The following IQSEC1 variants were observed in gnomAD, a reference collection of about 807,000 sequenced individuals.
IQSEC1 encodes IQ motif and Sec7 domain ArfGEF 1.
Under a neutral mutation model 91.0 loss-of-function variants are expected in IQSEC1, and 31 were observed. The ratio of observed to expected loss-of-function variants is 0.34; its 90% CI spans 0.26 to 0.46. IQSEC1 has a LOEUF of 0.46. Among genes scored for constraint, IQSEC1 ranks in the 20% least tolerant of loss-of-function variants. The pLI, the probability that IQSEC1 is intolerant of heterozygous loss-of-function variation, is 1.00. For synonymous variants in IQSEC1, 699 were observed against 662.6 expected (o/e 1.05, Z -0.84); for missense variants, 1,388 against 1,575.6 (o/e 0.88, Z 2.02).
chr3:13,066,241 C>G (rs360872), intron 1 of IQSEC1, among the ~76,000 whole-genome samples: 100,329 of 152,188 alleles, frequency 0.66, 33,309 homozygotes, highest in East Asian at 0.86. Context: ...CTGCACAACG[C>G]AACAGTGTTC....
chr3:12,993,570 G>A (rs1281244395), intron 1 of IQSEC1, among the ~76,000 whole-genome samples: 1 of 152,206 alleles, frequency 6.6e-6, no homozygotes, highest in African/African-American at 2.4e-5. Flanking sequence ...CCCCCGCTTC[G>A]GGGAGGCAAC....
At chr3:12,938,552 G>A (rs983802032) in intron 2 of IQSEC1, among the ~76,000 whole-genome samples, 4 of 152,280 alleles carry the variant, frequency 2.6e-5, no homozygotes, top group Non-Finnish European at 4.4e-5. Flanking sequence ...GTTACTGAAC[G>A]CCATCCAAGA....
At chr3:13,043,796 C>A (rs1465493784) in intron 1 of IQSEC1, among the ~76,000 whole-genome samples, 1 of 152,224 alleles carries the variant, frequency 6.6e-6, no homozygotes, top group East Asian at 1.9e-4. Context: ...ACCACACTCA[C>A]CCCCTCTGGC....
At chr3:12,998,255 T>C (rs1702295258) in intron 1 of IQSEC1, among the ~76,000 whole-genome samples, 1 of 152,146 alleles carries the variant, frequency 6.6e-6, no homozygotes, top group African/African-American at 2.4e-5. Flanking sequence ...GAGGCTGAAG[T>C]GGGAGGATCA....
At chr3:13,011,033 C>T (rs959628261) in intron 1 of IQSEC1, among the ~76,000 whole-genome samples, 1 of 152,236 alleles carries the variant, frequency 6.6e-6, no homozygotes, top group Non-Finnish European at 1.5e-5. Context: ...CCTCCAGCTT[C>T]CCATCACTCT....
chr3:13,173,716 G>A (rs1693664136), intron 1 of IQSEC1, among the ~76,000 whole-genome samples: 1 of 152,248 alleles, frequency 6.6e-6, no homozygotes. Context: ...GCCTTGGACA[G>A]GCCATCTCTC....
At chr3:12,929,404 C>A (rs186691931) in intron 3 of IQSEC1, among the ~76,000 whole-genome samples, 224 of 152,308 alleles carry the variant, frequency 1.5e-3, no homozygotes, top group African/African-American at 4.9e-3. Context: ...CCCACCCTGA[C>A]GAGATGGCAT....
chr3:13,266,859 G>T (rs1484812250), intron 1 of IQSEC1, among the ~76,000 whole-genome samples: 1 of 152,154 alleles, frequency 6.6e-6, no homozygotes, highest in Non-Finnish European at 1.5e-5. Flanking sequence ...CCAAAACGGG[G>T]TGCTCCAGGG....
chr3:12,929,972 G>A (rs993266497), intron 3 of IQSEC1, among the ~76,000 whole-genome samples: 11 of 152,206 alleles, frequency 7.2e-5, no homozygotes, highest in Non-Finnish European at 1.6e-4. Flanking sequence ...AGCACAGACT[G>A]CACCAGTCAC....
intron 1 of IQSEC1, among the ~76,000 whole-genome samples, chr3:13,028,622 C>T (rs949161392): frequency 2.0e-5 from 3 of 152,244 alleles, no homozygotes; most frequent in Non-Finnish European, 4.4e-5. Context: ...GAAGGACTCA[C>T]ATTAGCAATC....
intron 2 of IQSEC1, among the ~76,000 whole-genome samples, chr3:13,133,647 C>T (rs1195525132): frequency 5.3e-5 from 8 of 152,316 alleles, no homozygotes; most frequent in Middle Eastern, 3.4e-3. Context: ...CCGAGTCACA[C>T]GGGGGTTAGC....
At chr3:13,119,897 G>A (rs771776968) in intron 2 of IQSEC1, among the ~76,000 whole-genome samples, 45 of 152,102 alleles carry the variant, frequency 3.0e-4, no homozygotes, top group South Asian at 6.2e-4. Flanking sequence ...ATGGAAGGCC[G>A]TCCACACTCT....
At position 13,135,891 on chromosome 3, in the gene IQSEC1, G is replaced by A. The variant is rs146902754; in HGVS notation, c.302+28213C>T. Among the ~76,000 whole-genome samples the A allele has an allele frequency of 4.7e-3, 722 of 152,314 alleles. 8 individuals carry two copies. The highest frequency in any genetic ancestry group is 0.017 in the African/African-American group (690 of 41,564). ...CAGGTCTCCACTCATCCTCCTGTGC[G>A]CAGACCCCGTGCCTAGCATCGTGGA... On this transcript the variant is annotated intron_variant, in intron 2 of 15. Coordinates refer to the IQSEC1 transcript ENST00000648114.
rs560440417 is a variant in IQSEC1, at chr3:12,942,508, CAGG to C, written c.24-646_24-644del. On this transcript the variant is annotated intron_variant, in intron 1 of 13. Transcript: ENST00000613206. ...GTCCCAGCTACTCAGGAGGCTGAGG[CAGG>C]AGAATAGCATGAACCCGGGAAGCAG... 7.4e-3 allele frequency among the ~76,000 whole-genome samples: 1,122 copies of C among 152,008 alleles called. 14 individuals carry two copies. Among genetic ancestry groups the C allele is most frequent in the African/African-American group, 0.024 (1,006 of 41,412 alleles).
chr3:12,946,325 C>T (rs1699178206), intron 1 of IQSEC1, among the ~76,000 whole-genome samples: 1 of 152,198 alleles, frequency 6.6e-6, no homozygotes, highest in Admixed American at 6.5e-5. Flanking sequence ...CTTAACTGCG[C>T]CTCTGAATTT....
intron 1 of IQSEC1, among the ~76,000 whole-genome samples, chr3:13,017,266 C>T (rs1251006700): frequency 1.3e-5 from 2 of 152,200 alleles, no homozygotes; most frequent in Non-Finnish European, 2.9e-5. Flanking sequence ...TTTATTTTCT[C>T]TTTATCATTT....
At chr3:13,019,684 A>C (rs1703313626) in intron 1 of IQSEC1, among the ~76,000 whole-genome samples, 1 of 152,184 alleles carries the variant, frequency 6.6e-6, no homozygotes, top group African/African-American at 2.4e-5. Flanking sequence ...AGTTAACCAC[A>C]GGGGCGCCTG....
intron 1 of IQSEC1, among the ~76,000 whole-genome samples, chr3:13,227,818 T>C (rs2125084860): frequency 6.6e-6 from 1 of 152,180 alleles, no homozygotes; most frequent in East Asian, 1.9e-4. Context: ...CAGGAAGACG[T>C]CCACACGTGA....
At chr3:12,911,854 G>C (rs537073386) in intron 9 of IQSEC1, 126 bp from the exon 10 acceptor site, 2 of 697,838 alleles carry the variant, frequency 2.9e-6, no homozygotes, top group Non-Finnish European at 5.2e-6. Flanking sequence ...CACGTGAGTG[G>C]AGGGCATGGG....
Sources: gnomAD v4.1 joint callset for allele counts (sites outside exome capture counted in the v4.1 genomes callset) on GRCh38, gnomAD v4.1.1 for gene constraint, MANE v1.5 for transcripts, NCBI Gene and HGNC (gene_info 2026-07-23, HGNC 2026-07-21) for gene names.